Variants in KCNJ16 observed in about 807,000 individuals in gnomAD.
KCNJ16 encodes inward rectifier potassium channel 16.
KCNJ16 carries 15 observed loss-of-function variants against 18.5 expected under a neutral mutation model. The ratio of observed to expected loss-of-function variants is 0.81; its 90% CI spans 0.54 to 1.25. The LOEUF (loss-of-function observed/expected upper bound fraction) is 1.25. KCNJ16 is among the 50% of genes most tolerant of loss of function. KCNJ16 has a pLI of 0.00. For missense variants in KCNJ16, 523 were observed against 525.7 expected (o/e 0.99, Z 0.05); for synonymous variants, 174 against 186.5 (o/e 0.93, Z 0.55).
intron 1 of KCNJ16, among the ~76,000 whole-genome samples, chr17:70,090,047 A>T (rs1305770551): frequency 6.6e-6 from 1 of 152,192 alleles, no homozygotes; most frequent in Non-Finnish European, 1.5e-5. Context: ...CCCAAGCATT[A>T]ATTTTTTTAG....
chr17:70,120,395 G>A (rs1480413929), intron 2 of KCNJ16, among the ~76,000 whole-genome samples: 2 of 152,138 alleles, frequency 1.3e-5, no homozygotes, highest in Non-Finnish European at 2.9e-5. Context: ...TGTCTTTGTA[G>A]CAATGCCCCA....
chr17:70,131,206 A>AAAAG lies in KCNJ16; in HGVS notation c.-94+243_-94+246dup, dbSNP rs1390754012. ...GAGCTGCCAGTGTCAAAAAAAAAAA[A>AAAAG]AAAGAAAGAAAGAAAAGAAAAAAAA... On this transcript the variant is annotated intron_variant, in intron 3 of 3. Transcript: ENST00000392671. The AAAAG allele has an allele frequency of 3.8e-5, 28 of 744,938 alleles. No individual in the cohort carries two copies. The African/African-American group carries it at 4.0e-4, about 11-fold the overall frequency. The allele number at this position is 744,938 out of a possible 1,614,324, so 46.1% of individuals were successfully genotyped here. A position where few individuals can be genotyped will look rare whatever the true frequency, so the allele number is the denominator to read the frequency against.
chr17:70,124,665 A>G (rs12943869), intron 2 of KCNJ16, among the ~76,000 whole-genome samples: 55,584 of 152,010 alleles, frequency 0.37, 11,249 homozygotes, highest in African/African-American at 0.55. Context: ...GGATGGGCAG[A>G]CTGATTTTCA....
At chr17:70,087,798 A>T (rs1295064773) in intron 1 of KCNJ16, among the ~76,000 whole-genome samples, 1 of 152,176 alleles carries the variant, frequency 6.6e-6, no homozygotes, top group Admixed American at 6.5e-5. Context: ...TATTTTCATG[A>T]GGAATCAAAT....
chr17:70,108,245 G>A (rs1171660460), intron 2 of KCNJ16: 2 of 152,102 alleles, frequency 1.3e-5, no homozygotes, highest in African/African-American at 2.4e-5. Context: ...TTGAATATGC[G>A]AGTATATATC....
intron 2 of KCNJ16, among the ~76,000 whole-genome samples, chr17:70,107,004 C>T (rs1411960135): frequency 6.6e-6 from 1 of 152,176 alleles, no homozygotes; most frequent in Non-Finnish European, 1.5e-5. Flanking sequence ...ACCATTGTTA[C>T]AGTAGCTGCC....
intron 1 of KCNJ16, among the ~76,000 whole-genome samples, chr17:70,088,710 A>T (rs2071951214): frequency 6.6e-6 from 1 of 152,090 alleles, no homozygotes; most frequent in Middle Eastern, 3.2e-3. Flanking sequence ...GCTGCCATTG[A>T]AAAGAAATCA....
chr17:70,106,977 T>C (rs1431967361), intron 2 of KCNJ16, among the ~76,000 whole-genome samples: 5 of 152,166 alleles, frequency 3.3e-5, no homozygotes, highest in African/African-American at 1.2e-4. Flanking sequence ...AGTGGCTTTT[T>C]CCTGATGGTT....
At chr17:70,108,835 C>A (rs2073056413) in intron 2 of KCNJ16, among the ~76,000 whole-genome samples, 1 of 152,112 alleles carries the variant, frequency 6.6e-6, no homozygotes, top group Non-Finnish European at 1.5e-5. Flanking sequence ...GCCCTCTGAG[C>A]TTGACATTGA....
At chr17:70,103,312 A>G (rs1281693551) in intron 2 of KCNJ16, among the ~76,000 whole-genome samples, 2 of 14,218 alleles carry the variant, frequency 1.4e-4, no homozygotes, top group Non-Finnish European at 1.8e-4. Flanking sequence ...ATATATATAT[A>G]TATATATATA....
At chr17:70,110,179 CTCT>C (rs745800356) in intron 2 of KCNJ16, among the ~76,000 whole-genome samples, 1 of 152,118 alleles carries the variant, frequency 6.6e-6, no homozygotes, top group African/African-American at 2.4e-5. Context: ...GTGTGAATGT[CTCT>C]TCATTTCATT....
chr17:70,109,642 A>G (rs1213398944), intron 2 of KCNJ16, among the ~76,000 whole-genome samples: 4 of 152,090 alleles, frequency 2.6e-5, no homozygotes, highest in South Asian at 2.1e-4. Context: ...CAGCAGCTCA[A>G]CTGAATTTCC....
chr17:70,126,230 G>A lies in KCNJ16; in HGVS notation c.-190-4649G>A, dbSNP rs561758484. Among the ~76,000 whole-genome samples, 35 of 152,260 alleles carry A rather than the reference G, an allele frequency of 2.3e-4. No homozygotes were observed. In the South Asian group the frequency reaches 3.1e-3, roughly 14 times the overall value. ...GAATGCTTTTGTTCTTAAGATATCA[G>A]GACATCAGGACATTTCCTGGGTCTG... On this transcript the variant is annotated intron_variant, in intron 2 of 3. Transcript: ENST00000392671.
intron 2 of KCNJ16, among the ~76,000 whole-genome samples, chr17:70,110,479 C>G (rs534218331): frequency 6.8e-6 from 1 of 147,450 alleles, no homozygotes; most frequent in Non-Finnish European, 1.5e-5. Flanking sequence ...ACACTTCGTG[C>G]GCGCACACAC....
chr17:70,081,512 T>A (rs1189756769), intron 1 of KCNJ16, among the ~76,000 whole-genome samples: 1 of 152,204 alleles, frequency 6.6e-6, no homozygotes, highest in Non-Finnish European at 1.5e-5. Flanking sequence ...AAATGCACTT[T>A]CCACATGCAG....
At chr17:70,093,885 G>A (rs1157819816) in intron 1 of KCNJ16, among the ~76,000 whole-genome samples, 1 of 151,806 alleles carries the variant, frequency 6.6e-6, no homozygotes, top group Non-Finnish European at 1.5e-5. Flanking sequence ...ATATGGTTAG[G>A]TGTCAGCAAG....
chr17:70,086,618 A>G (rs977883116), intron 1 of KCNJ16, among the ~76,000 whole-genome samples: 1 of 152,156 alleles, frequency 6.6e-6, no homozygotes, highest in Admixed American at 6.5e-5. Flanking sequence ...GTTGGGAAAA[A>G]AATTGGCAGT....
At chr17:70,122,155 C>T (rs919206146) in intron 2 of KCNJ16, among the ~76,000 whole-genome samples, 1 of 150,664 alleles carries the variant, frequency 6.6e-6, no homozygotes, top group Non-Finnish European at 1.5e-5. Context: ...GTCATGAGAC[C>T]ATATGCTTGC....
At chr17:70,086,619 A>T (rs1306461575) in intron 1 of KCNJ16, among the ~76,000 whole-genome samples, 1 of 152,172 alleles carries the variant, frequency 6.6e-6, no homozygotes, top group Non-Finnish European at 1.5e-5. Flanking sequence ...TTGGGAAAAA[A>T]ATTGGCAGTT....
Sources: gnomAD v4.1 joint callset for allele counts (sites outside exome capture counted in the v4.1 genomes callset) on GRCh38, gnomAD v4.1.1 for gene constraint, MANE v1.5 for transcripts, NCBI Gene and HGNC (gene_info 2026-07-23, HGNC 2026-07-21) for gene names.